CUBN: variants seen among roughly 807,000 people sequenced by gnomAD.
CUBN encodes cubilin.
CUBN carries 282 observed loss-of-function variants against 405.3 expected under a neutral mutation model. The observed-to-expected ratio is 0.70, with a 90% CI of 0.63 to 0.77. The LOEUF is 0.77. Among genes scored for constraint, CUBN ranks in the 30% least tolerant of loss-of-function variants. The pLI is 0.00. For synonymous variants in CUBN, 1,684 were observed against 1,617.0 expected (o/e 1.04, Z -0.99); for missense variants, 4,514 against 4,475.2 (o/e 1.01, Z -0.25).
In CUBN at chr10:16,869,992, A is replaced by G. The variant is rs548280991; in HGVS notation, c.9237-139T>C. 795 of 721,560 alleles carry G rather than the reference A, an allele frequency of 1.1e-3. 12 individuals are homozygous for G. In the South Asian group the frequency reaches 0.011, roughly 10 times the overall value. The allele number at this position is 721,560 out of a possible 1,614,324, so 44.7% of individuals were successfully genotyped here. A position where few individuals can be genotyped will look rare whatever the true frequency, so the allele number is the denominator to read the frequency against. ...ACTCACTTGATATGAAATATTAGAA[A>G]TCAAACAGTACTTTACTGATCAGTT... On this transcript the variant is annotated intron_variant, in intron 58 of 66. Coordinates refer to ENST00000377833, the MANE Select transcript of CUBN (RefSeq NM_001081.4).
At chr10:16,886,749 A>C (rs751932742) in intron 56 of CUBN, among the ~76,000 whole-genome samples, 2 of 152,236 alleles carry the variant, frequency 1.3e-5, no homozygotes, top group Non-Finnish European at 2.9e-5. Context: ...CAGAAGAAAG[A>C]ACGCCCAATG....
intron 17 of CUBN, among the ~76,000 whole-genome samples, chr10:17,076,482 CAAAAA>C (rs79168650): frequency 8.0e-5 from 11 of 137,734 alleles, no homozygotes; most frequent in African/African-American, 5.3e-5. Context: ...GCACCCCCAC[CAAAAA>C]AAAAAAAAAA....
chr10:16,877,010 A>G lies in CUBN; in HGVS notation c.8993T>C (p.Val2998Ala). The G allele has an allele frequency of 1.9e-6, 3 of 1,614,092 alleles. No individual in the cohort carries two copies. Among genetic ancestry groups the G allele is most frequent in the Non-Finnish European group, 2.5e-6 (3 of 1,179,944 alleles). ...GGGAGCTGGCATCTCATCCCCACAC[A>G]CAGTAGCAAATGGGGTGGACATGAC... ...YSVMSTPFAT[V>A]CGDEMPAPLT... The change falls in exon 57 of 67, where the codon GTG (valine) becomes GCG (alanine). Residue 2998 changes from valine to alanine, a missense_variant. By Grantham distance (64) the Val-to-Ala change is moderately conservative. Coordinates refer to ENST00000377833, the MANE Select transcript of CUBN (RefSeq NM_001081.4).
intron 36 of CUBN, among the ~76,000 whole-genome samples, chr10:16,941,836 G>A (rs1357308091): frequency 1.3e-5 from 2 of 152,060 alleles, no homozygotes; most frequent in African/African-American, 4.8e-5. Context: ...GTGAGACTCT[G>A]TCCAGAAAAT....
chr10:17,006,051 A>T (rs1471059178), intron 28 of CUBN, among the ~76,000 whole-genome samples: 3 of 152,134 alleles, frequency 2.0e-5, no homozygotes, highest in Non-Finnish European at 1.5e-5. Flanking sequence ...GCCTCAGGAG[A>T]AACCAACCCT....
At chr10:16,983,991 T>C in intron 30 of CUBN, 114 bp downstream of exon 30, 1 of 1,181,730 alleles carries the variant, frequency 8.5e-7, no homozygotes, top group East Asian at 2.3e-5. Context: ...AGGCTGCCCT[T>C]TGGGATGTCA....
intron 56 of CUBN, 34 bp from the exon 57 acceptor site, chr10:16,877,131 A>G: frequency 6.3e-7 from 1 of 1,578,760 alleles, no homozygotes; most frequent in Non-Finnish European, 8.7e-7. Flanking sequence ...CATTATGATC[A>G]GAACCTACAC....
intron 31 of CUBN, among the ~76,000 whole-genome samples, chr10:16,978,432 A>G (rs1013093477): frequency 6.6e-6 from 1 of 152,242 alleles, no homozygotes. Flanking sequence ...TGGATGTTCT[A>G]CGCTTTCAGT....
rs1435279422 is a variant in CUBN, at chr10:16,925,606, CAAG to C, written c.6437_6439del (p.Ser2146del). On this transcript the variant is annotated inframe_deletion, in exon 42 of 67. Coordinates refer to ENST00000377833, the MANE Select transcript of CUBN (RefSeq NM_001081.4). Reference sequence around the variant, plus strand: ...TACCACCAAGTAATCCCCCTGGTTGCAAGAAGAATCTCCATTTGGAATCTGGAA... The same window carrying C: ...TACCACCAAGTAATCCCCCTGGTTGCAAGAATCTCCATTTGGAATCTGGAA... 1 of 1,613,854 alleles carries C rather than the reference CAAG, an allele frequency of 6.2e-7. No individual in the cohort carries two copies. Among genetic ancestry groups the C allele is most frequent in the African/African-American group, 1.3e-5 (1 of 74,882 alleles).
intron 36 of CUBN, among the ~76,000 whole-genome samples, chr10:16,941,886 C>T (rs1162582487): frequency 2.0e-5 from 3 of 151,698 alleles, no homozygotes; most frequent in Admixed American, 1.3e-4. Context: ...AGTTACAGAC[C>T]GGGGTGGGGA....
At chr10:16,938,807 T>G (rs1185017623) in intron 38 of CUBN, among the ~76,000 whole-genome samples, 156 bp downstream of exon 38, 1 of 152,186 alleles carries the variant, frequency 6.6e-6, no homozygotes, top group Non-Finnish European at 1.5e-5. Flanking sequence ...AAATTGCCTT[T>G]GTCCATGTAA....
At chr10:17,020,048 C>A in intron 27 of CUBN, 65 bp from the exon 28 acceptor site, 3 of 1,578,332 alleles carry the variant, frequency 1.9e-6, no homozygotes, top group Admixed American at 1.7e-5. Flanking sequence ...AAATCCAAGT[C>A]TACACAAGTA....
chr10:17,010,954 A>G (rs1480343371), intron 28 of CUBN, among the ~76,000 whole-genome samples: 1 of 152,218 alleles, frequency 6.6e-6, no homozygotes, highest in Non-Finnish European at 1.5e-5. Context: ...GAACAATGTT[A>G]AGAGTCAACC....
chr10:17,116,660 T>C (rs1023294457), intron 6 of CUBN, among the ~76,000 whole-genome samples: 1 of 152,224 alleles, frequency 6.6e-6, no homozygotes, highest in Non-Finnish European at 1.5e-5. Context: ...TGGATGACAA[T>C]GTATGAACGA....
At chr10:17,044,539 T>A (rs888391684) in intron 25 of CUBN, among the ~76,000 whole-genome samples, 1 of 152,162 alleles carries the variant, frequency 6.6e-6, no homozygotes, top group East Asian at 1.9e-4. Context: ...CTGTCCTCCT[T>A]GTTTTTTGAT....
chr10:17,062,431 GTC>G (rs1835523865), intron 22 of CUBN, among the ~76,000 whole-genome samples: 1 of 152,130 alleles, frequency 6.6e-6, no homozygotes, highest in Non-Finnish European at 1.5e-5. Flanking sequence ...GTCAATTATA[GTC>G]TCTCAGGATT....
At chr10:16,880,337 C>T (rs1840632276) in intron 56 of CUBN, among the ~76,000 whole-genome samples, 1 of 152,158 alleles carries the variant, frequency 6.6e-6, no homozygotes, top group Admixed American at 6.5e-5. Flanking sequence ...AGACCCAATC[C>T]AGGCCAATCA....
intron 10 of CUBN, among the ~76,000 whole-genome samples, chr10:17,108,951 T>C (rs57848135): frequency 0.025 from 3,808 of 152,260 alleles, 154 homozygotes; most frequent in African/African-American, 0.084. Flanking sequence ...AAAGTATTAA[T>C]TATTAGTAAT....
intron 56 of CUBN, among the ~76,000 whole-genome samples, chr10:16,885,951 A>G (rs1840799652): frequency 6.6e-6 from 1 of 152,186 alleles, no homozygotes; most frequent in African/African-American, 2.4e-5. Context: ...AGTGGTGACA[A>G]CTCTTAATGT....
Sources: allele counts gnomAD v4.1 joint callset (sites outside exome capture counted in the v4.1 genomes callset), GRCh38; gene constraint gnomAD v4.1.1; transcripts MANE v1.5; gene names NCBI Gene and HGNC (gene_info 2026-07-23, HGNC 2026-07-21).